Variants in RGS22 observed in about 807,000 individuals in gnomAD.
RGS22 encodes regulator of G-protein signaling 22.
Under a neutral mutation model 172.9 loss-of-function variants are expected in RGS22, and 148 were observed. The observed-to-expected ratio is 0.86, with a 90% CI of 0.75 to 0.98. The LOEUF (loss-of-function observed/expected upper bound fraction) is 0.98. Ranked by LOEUF, RGS22 falls within the 50% of genes least tolerant of loss-of-function variation. RGS22 has a pLI of 0.00. For synonymous variants in RGS22, 458 were observed against 480.2 expected (o/e 0.95, Z 0.60); for missense variants, 1,347 against 1,440.8 (o/e 0.93, Z 1.05).
chr8:100,103,663 G>A (rs1813681709), intron 2 of RGS22, among the ~76,000 whole-genome samples: 1 of 139,528 alleles, frequency 7.2e-6, no homozygotes, highest in Non-Finnish European at 1.5e-5. Context: ...TGAAGCTACA[G>A]GAGGAGAAGA....
At chr8:100,034,770 T>C (rs924841729) in intron 14 of RGS22, among the ~76,000 whole-genome samples, 26 of 152,206 alleles carry the variant, frequency 1.7e-4, no homozygotes, top group African/African-American at 5.8e-4. Flanking sequence ...TATAGACCAA[T>C]GGAACAGAAC....
intron 20 of RGS22, among the ~76,000 whole-genome samples, chr8:99,991,911 A>G (rs4735647): frequency 0.43 from 65,230 of 152,036 alleles, 14,239 homozygotes; most frequent in African/African-American, 0.49. Context: ...GACTAACAGC[A>G]GATCTCTTGG....
In RGS22 at chr8:100,002,352, C is replaced by T. The variant is rs201197901; in HGVS notation, c.2640G>A (p.Met880Ile). 29 of 1,602,258 alleles carry T rather than the reference C, an allele frequency of 1.8e-5. No individual in the cohort carries two copies. In the African/African-American group the frequency reaches 2.6e-4, roughly 14 times the overall value. Reference sequence around the variant, plus strand: ...GGAACTGCTCAATGTCTGTCCAGCACATAAGATCCATGCTAAAATGAAAAC... The same window carrying T: ...GGAACTGCTCAATGTCTGTCCAGCATATAAGATCCATGCTAAAATGAAAAC... ...LETHSSSMDL[M>I]CWTDIEQFRR... Residue 880 changes from methionine to isoleucine, a missense_variant, in exon 18 of 28, where the codon ATG (methionine) becomes ATA (isoleucine). Met to Ile is a conservative substitution (Grantham distance 10). Coordinates refer to ENST00000360863, the MANE Select transcript of RGS22 (RefSeq NM_015668.5).
chr8:99,988,542 A>G (rs966988021), intron 20 of RGS22, among the ~76,000 whole-genome samples: 1 of 152,200 alleles, frequency 6.6e-6, no homozygotes, highest in Non-Finnish European at 1.5e-5. Context: ...ATCATTCCAA[A>G]GACAATGATT....
At chr8:100,001,202 T>TTTTATATATATATATATATATACA (rs1554611098) in intron 18 of RGS22, among the ~76,000 whole-genome samples, 1 of 124,780 alleles carries the variant, frequency 8.0e-6, no homozygotes, top group African/African-American at 3.1e-5. Context: ...TCCCAATTTT[T>TTTTATATATATATATATATATACA]TATATATATA....
chr8:99,977,210 TCTC>T (rs1812049409), intron 23 of RGS22, among the ~76,000 whole-genome samples: 1 of 151,504 alleles, frequency 6.6e-6, no homozygotes, highest in South Asian at 2.1e-4. Flanking sequence ...TTCAAGCAAT[TCTC>T]CTGCCTCAGC....
At chr8:100,009,439 A>AAG (rs1563610624) in intron 14 of RGS22, among the ~76,000 whole-genome samples, 2 of 151,444 alleles carry the variant, frequency 1.3e-5, no homozygotes, top group African/African-American at 4.9e-5. Context: ...AAAAAAAAAA[A>AAG]AAAAAGAGTG....
intron 23 of RGS22, among the ~76,000 whole-genome samples, chr8:99,969,004 T>C (rs1266800616): frequency 1.3e-5 from 2 of 152,084 alleles, no homozygotes. Context: ...TCAGGTTACC[T>C]ATAAAGGGAA....
intron 2 of RGS22, among the ~76,000 whole-genome samples, chr8:100,102,348 T>C (rs1453208477): frequency 6.6e-6 from 1 of 152,158 alleles, no homozygotes; most frequent in African/African-American, 2.4e-5. Context: ...TAATTTGGGA[T>C]AGCAATGGGT....
chr8:100,007,682 G>A (rs1256430144), intron 15 of RGS22, among the ~76,000 whole-genome samples: 2 of 151,494 alleles, frequency 1.3e-5, no homozygotes, highest in Non-Finnish European at 2.9e-5. Context: ...TTATTCACAG[G>A]AAACCAAAAC....
chr8:100,014,823 C>G (rs2131407608), intron 14 of RGS22, among the ~76,000 whole-genome samples: 1 of 152,328 alleles, frequency 6.6e-6, no homozygotes, highest in African/African-American at 2.4e-5. Context: ...TCTCTACCCT[C>G]ATCTTCTTTT....
At chr8:100,038,863 CTGGACACAATTTTCATT>C in intron 14 of RGS22, 51 bp downstream of exon 14, 1 of 961,466 alleles carries the variant, frequency 1.0e-6, no homozygotes, top group Non-Finnish European at 1.5e-6. Context: ...TCGTTTGGGA[CTGGACACAATTTTCATT>C]TCTCTGTGTA....
At chr8:100,052,681 G>T in intron 10 of RGS22, 121 bp downstream of exon 10, 1 of 906,178 alleles carries the variant, frequency 1.1e-6, no homozygotes, top group Non-Finnish European at 1.7e-6. Flanking sequence ...AAATGTTGCA[G>T]CTTGTACATT....
At chr8:99,974,059 A>G (rs1281429819) in intron 23 of RGS22, among the ~76,000 whole-genome samples, 3 of 152,174 alleles carry the variant, frequency 2.0e-5, no homozygotes, top group Non-Finnish European at 2.9e-5. Flanking sequence ...GCCAATTTAG[A>G]TTGCAGATCA....
At chr8:100,001,634 A>G (rs960744226) in intron 18 of RGS22, among the ~76,000 whole-genome samples, 1 of 152,198 alleles carries the variant, frequency 6.6e-6, no homozygotes, top group South Asian at 2.1e-4. Context: ...AAAATGTTCA[A>G]ACTGTCCTGG....
At chr8:100,066,130 A>T in intron 7 of RGS22, 37 bp downstream of exon 7, 1 of 1,590,536 alleles carries the variant, frequency 6.3e-7, no homozygotes. Flanking sequence ...AAACTTAAAG[A>T]GAAGTTCTGA....
chr8:100,062,380 G>C (rs1445921188), intron 9 of RGS22, among the ~76,000 whole-genome samples: 2 of 149,430 alleles, frequency 1.3e-5, no homozygotes, highest in Non-Finnish European at 3.0e-5. Flanking sequence ...AAAGTTAAAA[G>C]GCAACTTAAA....
In RGS22 at chr8:100,036,296, A is replaced by G. The variant is rs552687920; in HGVS notation, c.2166+2635T>C. Among the ~76,000 whole-genome samples the G allele has an allele frequency of 7.9e-5, 12 of 152,276 alleles. 1 individual carries two copies. In the South Asian group the frequency reaches 2.5e-3, roughly 32 times the overall value. On this transcript the variant is annotated intron_variant, in intron 14 of 27. Coordinates refer to ENST00000360863, the MANE Select transcript of RGS22 (RefSeq NM_015668.5). The stretch of plus-strand genomic sequence containing the variant: ...GGTGATAATTCCCTTTCTCCTTGCC[A>G]ACACCATTTAAATTGGTTTCCAACT...
chr8:99,996,329 G>C, intron 20 of RGS22, 133 bp downstream of exon 20: 1 of 672,906 alleles, frequency 1.5e-6, no homozygotes, highest in Non-Finnish European at 2.6e-6. Flanking sequence ...ATTAAAAACA[G>C]TATCAGTGCT....
Sources: allele counts gnomAD v4.1 joint callset (sites outside exome capture counted in the v4.1 genomes callset), GRCh38; gene constraint gnomAD v4.1.1; transcripts MANE v1.5; gene names NCBI Gene and HGNC (gene_info 2026-07-23, HGNC 2026-07-21).